Variants in CALD1 observed in about 807,000 individuals in gnomAD.
CALD1 encodes the protein caldesmon 1, also known as caldesmon.
CALD1 carries 33 observed loss-of-function variants against 99.9 expected under a neutral mutation model. The ratio of observed to expected loss-of-function variants is 0.33; its 90% confidence interval spans 0.25 to 0.44. The LOEUF is 0.44. CALD1 is among the 20% of genes least tolerant of loss of function. CALD1 has a pLI of 1.00. For missense variants in CALD1, 861 were observed against 962.1 expected, an observed-to-expected ratio of 0.89 and a Z score of 1.39; for synonymous variants, 310 against 325.0, an observed-to-expected ratio of 0.95 and a Z score of 0.50.
At chr7:134,923,156 G>C (rs2132835481) in intron 3 of CALD1, among the ~76,000 whole-genome samples, 1 of 152,196 alleles carries the variant, frequency 6.6e-6, no homozygotes, top group Non-Finnish European at 1.5e-5. Context: ...GCTGACCTTT[G>C]CTGCAGAAAG....
intron 1 of CALD1, among the ~76,000 whole-genome samples, chr7:134,748,859 C>T (rs749308630): frequency 3.9e-5 from 6 of 152,102 alleles, no homozygotes; most frequent in Non-Finnish European, 5.9e-5. Context: ...GAGGTACTGC[C>T]TCTGGGAGGT....
chr7:134,963,502 G>C (rs1438907536), intron 13 of CALD1, among the ~76,000 whole-genome samples: 2 of 152,164 alleles, frequency 1.3e-5, no homozygotes, highest in Non-Finnish European at 2.9e-5. Context: ...ATTGCTGTTA[G>C]CTTTGCCTTC....
Position 134,941,305 on chromosome 7 carries a change from T to G in CALD1, c.1532+68T>G, listed in dbSNP as rs1806415941. ...AAAGAAAAAAAAAAAAAAGTCAGTC[T>G]TCCCATCCTGTGCTTCCAGACAGAA... On this transcript the variant is annotated intron_variant, in intron 7 of 14. Coordinates refer to ENST00000361675, the MANE Select transcript of CALD1 (RefSeq NM_033138.4). The G allele has an allele frequency of 4.0e-6, 5 of 1,260,498 alleles. No individual in the cohort carries two copies. In the South Asian group the frequency reaches 4.4e-5, roughly 11 times the overall value. 78.1% of individuals were successfully genotyped at this position (1,260,498 alleles called of 1,614,324 possible). A position where few individuals can be genotyped will look rare whatever the true frequency, so the allele number is the denominator to read the frequency against.
chr7:134,729,344 G>T, the CALD1 span, among the ~76,000 whole-genome samples: 1 of 152,076 alleles, frequency 6.6e-6, no homozygotes, highest in African/African-American at 2.4e-5. Flanking sequence ...ACTCACCCAT[G>T]GTCACCCAGC....
rs139153701 is a variant in CALD1, at chr7:134,749,162, T to C, written c.-130+4799T>C. 5.9e-5 allele frequency among the ~76,000 whole-genome samples: 9 copies of C among 152,342 alleles called. No homozygotes were observed. The East Asian group carries it at 1.7e-3, about 29-fold the overall frequency. Reference sequence around the variant, plus strand: ...TTTGGACTTTCTGGAAAGAGGAATCTAGTGAGAAATAATATTTCAAGAAGT... The same window carrying C: ...TTTGGACTTTCTGGAAAGAGGAATCCAGTGAGAAATAATATTTCAAGAAGT... On this transcript the variant is annotated intron_variant, in intron 1 of 13. Coordinates refer to the CALD1 transcript ENST00000417172.
chr7:134,929,988 C>A (rs1805409219), intron 4 of CALD1, among the ~76,000 whole-genome samples: 1 of 151,998 alleles, frequency 6.6e-6, no homozygotes, highest in Non-Finnish European at 1.5e-5. Context: ...TCCTCCATGG[C>A]TACCATTAAT....
the CALD1 span, among the ~76,000 whole-genome samples, chr7:134,729,527 C>T: frequency 2.0e-5 from 3 of 152,200 alleles, no homozygotes; most frequent in African/African-American, 7.2e-5. Context: ...AGGGCAGGCC[C>T]AAGTCTAGAT....
intron 6 of CALD1, among the ~76,000 whole-genome samples, chr7:134,940,382 A>C (rs1020105775): frequency 6.6e-6 from 1 of 152,220 alleles, no homozygotes; most frequent in Non-Finnish European, 1.5e-5. Flanking sequence ...CACCACAACC[A>C]CAAAACTACT....
intron 3 of CALD1, among the ~76,000 whole-genome samples, chr7:134,883,780 T>A (rs548243276): frequency 6.6e-6 from 1 of 152,210 alleles, no homozygotes; most frequent in Non-Finnish European, 1.5e-5. Context: ...GGAGTCCAAC[T>A]GTAATCCACG....
intron 3 of CALD1, 132 bp from the exon 4 acceptor site, chr7:134,928,622 C>A: frequency 1.3e-6 from 1 of 761,642 alleles, no homozygotes; most frequent in South Asian, 2.2e-5. Context: ...AGGAACTGAA[C>A]CATCCTTTTA....
chr7:134,722,330 T>G, the CALD1 span, among the ~76,000 whole-genome samples: 2 of 152,196 alleles, frequency 1.3e-5, no homozygotes, highest in African/African-American at 4.8e-5. Context: ...TCTTCTAATC[T>G]TTTGATTTTA....
chr7:134,953,564 T>C (rs938512266), intron 9 of CALD1, among the ~76,000 whole-genome samples: 1 of 150,922 alleles, frequency 6.6e-6, no homozygotes, highest in Admixed American at 6.6e-5. Flanking sequence ...TCTCTCTTTC[T>C]ACCTTCTTTA....
At position 134,839,601 on chromosome 7, in the gene CALD1, T is replaced by C. The variant is rs188818263; in HGVS notation, c.-129-4283T>C. 3.9e-5 allele frequency among the ~76,000 whole-genome samples: 6 copies of C among 152,352 alleles called. No individual in the cohort carries two copies. In the East Asian group the frequency reaches 1.2e-3, roughly 29 times the overall value. On this transcript the variant is annotated intron_variant, in intron 1 of 14. Coordinates refer to ENST00000361675, the MANE Select transcript of CALD1 (RefSeq NM_033138.4). ...TTAAATTTTAGCTATTCTAGTGGTA[T>C]GTAGTTTTAGTTCATCATAAGTTTC...
chr7:134,774,334 G>A (rs1453048167), intron 1 of CALD1, among the ~76,000 whole-genome samples: 1 of 152,108 alleles, frequency 6.6e-6, no homozygotes, highest in Non-Finnish European at 1.5e-5. Flanking sequence ...TCCTGTCTGT[G>A]GGATACAAAC....
At chr7:134,741,990 G>GTAGCAC (rs1476210090), upstream of CALD1, among the ~76,000 whole-genome samples, 1 of 148,820 alleles carries the variant, frequency 6.7e-6, no homozygotes, top group Non-Finnish European at 1.5e-5. Flanking sequence ...GAAAACTGCA[G>GTAGCAC]TAGCACTAGC....
chr7:134,717,646 T>A, the CALD1 span, among the ~76,000 whole-genome samples: 1 of 152,174 alleles, frequency 6.6e-6, no homozygotes. Flanking sequence ...AGGCTCCGGG[T>A]CCATAAAGTC....
intron 3 of CALD1, among the ~76,000 whole-genome samples, chr7:134,924,923 C>A (rs1307695388): frequency 6.6e-6 from 1 of 152,160 alleles, no homozygotes; most frequent in African/African-American, 2.4e-5. Context: ...GGCGCTTCTT[C>A]CTGCCACCTA....
upstream of CALD1, among the ~76,000 whole-genome samples, chr7:134,741,631 A>T (rs111914039): frequency 6.6e-6 from 1 of 152,006 alleles, no homozygotes; most frequent in African/African-American, 2.4e-5. Flanking sequence ...ATGCATATTT[A>T]AAAAAAAGAT....
At chr7:134,720,184 CTTTTTTTTT>C in the CALD1 span, among the ~76,000 whole-genome samples, 504 of 139,936 alleles carry the variant, frequency 3.6e-3, 4 homozygotes, top group African/African-American at 0.012. Flanking sequence ...TAGCCCTCCT[CTTTTTTTTT>C]TTTTTTTTTT....
Sources: allele counts gnomAD v4.1 joint callset (sites outside exome capture counted in the v4.1 genomes callset), GRCh38; gene constraint gnomAD v4.1.1; transcripts MANE v1.5; gene names NCBI Gene and HGNC (gene_info 2026-07-23, HGNC 2026-07-21).